ARHGAP28: variants seen among roughly 807,000 people sequenced by gnomAD.
ARHGAP28 encodes Rho GTPase activating protein 28.
In ARHGAP28, 56 loss-of-function variants were observed where a neutral mutation model predicts 90.7. The observed-to-expected ratio is 0.62, with a 90% confidence interval of 0.50 to 0.77. The LOEUF (loss-of-function observed/expected upper bound fraction) is 0.77, where lower values mean the gene tolerates loss of function less well. Among genes scored for constraint, ARHGAP28 ranks in the 30% least tolerant of loss-of-function variants. The probability of loss-of-function intolerance (pLI) is 0.00; values close to 1 mark genes in which losing one functional copy is unlikely to be tolerated. For synonymous variants in ARHGAP28, 308 were observed against 323.3 expected (o/e 0.95, Z 0.51); for missense variants, 869 against 900.9 (o/e 0.96, Z 0.45).
intron 11 of ARHGAP28, among the ~76,000 whole-genome samples, chr18:6,886,398 A>C (rs2057221385): frequency 6.6e-6 from 1 of 152,134 alleles, no homozygotes; most frequent in South Asian, 2.1e-4. Flanking sequence ...TGTGGATGGA[A>C]TCCCTGAGTA....
intron 1 of ARHGAP28, among the ~76,000 whole-genome samples, chr18:6,783,332 G>C (rs568505433): frequency 7.0e-6 from 1 of 142,916 alleles, no homozygotes; most frequent in Non-Finnish European, 1.5e-5. Context: ...ATGGAGTTTC[G>C]CTCTTGTTAC....
chr18:6,878,287 T>C (rs1053219265), intron 10 of ARHGAP28, among the ~76,000 whole-genome samples: 10 of 138,018 alleles, frequency 7.2e-5, no homozygotes, highest in Non-Finnish European at 1.2e-4. Flanking sequence ...TAGATGGAAA[T>C]TGAACAATGA....
At chr18:6,776,310 A>G (rs1039006256) in intron 1 of ARHGAP28, among the ~76,000 whole-genome samples, 1 of 152,212 alleles carries the variant, frequency 6.6e-6, no homozygotes, top group African/African-American at 2.4e-5. Flanking sequence ...TTCAAACCCC[A>G]GCGGTGGTGT....
chr18:6,810,164 T>C (rs766962796), intron 1 of ARHGAP28, among the ~76,000 whole-genome samples: 7 of 152,178 alleles, frequency 4.6e-5, no homozygotes, highest in Non-Finnish European at 8.8e-5. Context: ...CTACAAATTA[T>C]TTTTATATTT....
At chr18:6,809,401 T>C (rs2056540952) in intron 1 of ARHGAP28, among the ~76,000 whole-genome samples, 1 of 152,196 alleles carries the variant, frequency 6.6e-6, no homozygotes, top group African/African-American at 2.4e-5. Flanking sequence ...GAGGGTGTAT[T>C]AGTTCATTCT....
Position 6,915,284 on chromosome 18 carries a change from T to G in ARHGAP28, c.*3130T>G, listed in dbSNP as rs1228038691. ...TTCATCTGCTGTCCACGTATTTCAC[T>G]TGACTGAAAGCTCATATGAGTTAAA... On this transcript the variant is annotated 3_prime_UTR_variant, in exon 18 of 18. Coordinates refer to ENST00000383472, the MANE Select transcript of ARHGAP28 (RefSeq NM_001366230.1). The G allele has an allele frequency of 6.6e-6, 1 of 152,206 alleles. No individual in the cohort carries two copies. The highest frequency in any genetic ancestry group is 1.5e-5 in the Non-Finnish European group (1 of 68,028). The allele number at this position is 152,206 out of a possible 1,614,324, so 9.4% of individuals were successfully genotyped here. A position where few individuals can be genotyped will look rare whatever the true frequency, so the allele number is the denominator to read the frequency against.
chr18:6,768,544 T>C (rs1364032207), intron 1 of ARHGAP28, among the ~76,000 whole-genome samples: 1 of 152,144 alleles, frequency 6.6e-6, no homozygotes, highest in Non-Finnish European at 1.5e-5. Context: ...CCCAGCCCTT[T>C]AGGAGCTCTG....
At chr18:6,853,587 C>T (rs2056927630) in intron 4 of ARHGAP28, among the ~76,000 whole-genome samples, 1 of 152,028 alleles carries the variant, frequency 6.6e-6, no homozygotes, top group African/African-American at 2.4e-5. Context: ...ATTCTCCTGC[C>T]TCAGCCTCCC....
At chr18:6,815,441 G>T (rs1019925499) in intron 1 of ARHGAP28, among the ~76,000 whole-genome samples, 14 of 152,068 alleles carry the variant, frequency 9.2e-5, no homozygotes, top group African/African-American at 2.9e-4. Flanking sequence ...AAAAGCAGGG[G>T]TAATTCTCAT....
intron 1 of ARHGAP28, among the ~76,000 whole-genome samples, chr18:6,814,101 T>A (rs1410450131): frequency 6.6e-6 from 1 of 152,068 alleles, no homozygotes; most frequent in African/African-American, 2.4e-5. Context: ...AAAAAGCATA[T>A]TGTGAAAGAA....
At chr18:6,841,113 C>T in intron 3 of ARHGAP28, among the ~76,000 whole-genome samples, 1 of 128,536 alleles carries the variant, frequency 7.8e-6, no homozygotes, top group African/African-American at 2.7e-5. Flanking sequence ...CTCTGGGGTC[C>T]TTCTCTTCTC....
intron 1 of ARHGAP28, among the ~76,000 whole-genome samples, chr18:6,761,070 A>G (rs906439749): frequency 2.6e-5 from 4 of 152,006 alleles, no homozygotes; most frequent in Non-Finnish European, 4.4e-5. Context: ...AACAGCATAT[A>G]TATTATACGA....
intron 1 of ARHGAP28, among the ~76,000 whole-genome samples, chr18:6,760,938 CA>C (rs1440523920): frequency 1.3e-5 from 2 of 152,146 alleles, no homozygotes; most frequent in African/African-American, 2.4e-5. Context: ...ATATCCATAT[CA>C]GGGGTCCTTA....
chr18:6,876,792 C>T (rs1336439297), intron 10 of ARHGAP28, among the ~76,000 whole-genome samples: 2 of 152,212 alleles, frequency 1.3e-5, no homozygotes, highest in Non-Finnish European at 2.9e-5. Context: ...ACATCCACAT[C>T]TAAAACCAGC....
At chr18:6,761,211 C>G (rs1427030328) in intron 1 of ARHGAP28, among the ~76,000 whole-genome samples, 2 of 152,030 alleles carry the variant, frequency 1.3e-5, no homozygotes. Context: ...ATGGGGCGAG[C>G]TCCTGAGTTA....
chr18:6,839,789 G>T (rs2056790335), intron 3 of ARHGAP28, among the ~76,000 whole-genome samples: 1 of 152,164 alleles, frequency 6.6e-6, no homozygotes, highest in African/African-American at 2.4e-5. Context: ...TTGTTTCCTA[G>T]GCTGAAGGTC....
intron 1 of ARHGAP28, among the ~76,000 whole-genome samples, chr18:6,762,877 A>T (rs2056172849): frequency 6.6e-6 from 1 of 152,092 alleles, no homozygotes; most frequent in Non-Finnish European, 1.5e-5. Flanking sequence ...ACGTTTTGTT[A>T]TGGCAGCTCA....
intron 5 of ARHGAP28, among the ~76,000 whole-genome samples, chr18:6,860,745 C>T (rs1412846217): frequency 6.6e-6 from 1 of 152,194 alleles, no homozygotes; most frequent in East Asian, 1.9e-4. Flanking sequence ...GTTAGCCCCA[C>T]ATAAATTAAC....
chr18:6,839,925 A>G (rs569708067), intron 3 of ARHGAP28, among the ~76,000 whole-genome samples: 135 of 152,322 alleles, frequency 8.9e-4, no homozygotes, highest in African/African-American at 3.1e-3. Context: ...TTCTTTCAAA[A>G]TAAATGAAGA....
Sources: gnomAD v4.1 joint callset for allele counts (sites outside exome capture counted in the v4.1 genomes callset) on GRCh38, gnomAD v4.1.1 for gene constraint, MANE v1.5 for transcripts, NCBI Gene and HGNC (gene_info 2026-07-23, HGNC 2026-07-21) for gene names.